MAK: variants seen among roughly 807,000 people sequenced by gnomAD.
MAK encodes the protein serine/threonine-protein kinase MAK.
Under a neutral mutation model 82.6 loss-of-function variants are expected in MAK, and 65 were observed. That is an observed-to-expected ratio of 0.79 (90% CI 0.64 to 0.97). The LOEUF (loss-of-function observed/expected upper bound fraction) is 0.97, where lower values mean the gene tolerates loss of function less well. MAK is among the 50% of genes least tolerant of loss of function. The pLI is 0.00. For synonymous variants in MAK, 250 were observed against 274.2 expected, an observed-to-expected ratio of 0.91 and a Z score of 0.87; for missense variants, 703 against 780.2, an observed-to-expected ratio of 0.90 and a Z score of 1.18.
rs1778764182 is a variant in MAK, at chr6:10,830,854, A to G, written c.-206T>C. On this transcript the variant is annotated 5_prime_UTR_variant, in exon 2 of 15. Transcript: ENST00000354489. ...GCATGAAGGAATCGGGCAAGGAAAC[A>G]ACACTTCCATTCTTATAAACACCCT... 2 of 594,444 alleles carry G rather than the reference A, an allele frequency of 3.4e-6. No individual in the cohort carries two copies. Among genetic ancestry groups the G allele is most frequent in the Admixed American group, 2.5e-5 (1 of 40,520 alleles). The allele number at this position is 594,444 out of a possible 1,614,324, so 36.8% of individuals were successfully genotyped here.
chr6:10,817,910 T>C lies in MAK; in HGVS notation c.218A>G (p.Asp73Gly), dbSNP rs774612770. The change falls in exon 4 of 15, where the codon GAC becomes GGC. Residue 73 changes from aspartate to glycine, a missense_variant. Physicochemically the swap from Asp to Gly is moderately conservative, Grantham distance 94. Transcript: ENST00000354489. ...IKLKEVIREN[D>G]HLYFIFEYMK... The stretch of plus-strand genomic sequence containing the variant: ...ATATTCAAATATAAAATAAAGATGG[T>C]CATTTTCTCTGATAACTTCTTTCAA... 1.9e-5 allele frequency: 27 copies of C among 1,417,888 alleles called. No individual in the cohort carries two copies. The highest frequency in any genetic ancestry group is 1.8e-4 in the Middle Eastern group (1 of 5,420). 87.8% of individuals were successfully genotyped at this position (1,417,888 alleles called of 1,614,324 possible). A position where few individuals can be genotyped will look rare whatever the true frequency, so the allele number is the denominator to read the frequency against.
intron 1 of MAK, among the ~76,000 whole-genome samples, chr6:10,835,038 T>C (rs150366363): frequency 1.3e-5 from 2 of 152,304 alleles, no homozygotes; most frequent in African/African-American, 2.4e-5. Flanking sequence ...TTGTGGGTAA[T>C]TAACATGGTC....
chr6:10,789,750 T>C (rs1774917248), intron 10 of MAK, among the ~76,000 whole-genome samples: 1 of 152,172 alleles, frequency 6.6e-6, no homozygotes, highest in Non-Finnish European at 1.5e-5. Flanking sequence ...CTCTGCCTCC[T>C]GGGTTCAAGT....
In MAK at chr6:10,830,774, T is replaced by C; in HGVS notation, c.-126A>G. Reference sequence around the variant, plus strand: ...TGTTGTTGCTACACTGGTGACAGGTTTGTCATCATTAAATATAGTCTCTCC... The same window carrying C: ...TGTTGTTGCTACACTGGTGACAGGTCTGTCATCATTAAATATAGTCTCTCC... On this transcript the variant is annotated 5_prime_UTR_variant, in exon 2 of 15. Coordinates refer to ENST00000354489, the MANE Select transcript of MAK (RefSeq NM_001242957.3). 2 of 748,962 alleles carry C rather than the reference T, an allele frequency of 2.7e-6. No individual in the cohort carries two copies. The highest frequency in any genetic ancestry group is 4.8e-6 in the Non-Finnish European group (2 of 419,002). The allele number at this position is 748,962 out of a possible 1,614,324, so 46.4% of individuals were successfully genotyped here.
intron 2 of MAK, among the ~76,000 whole-genome samples, chr6:10,819,721 C>T (rs796198284): frequency 1.6e-4 from 24 of 152,260 alleles, no homozygotes; most frequent in African/African-American, 5.8e-4. Context: ...AGAGTAAAAA[C>T]TATTTCCACT....
intron 8 of MAK, chr6:10,798,114 C>CTTTTTTTTTTTTTT (rs554907132): frequency 7.2e-6 from 1 of 138,284 alleles, no homozygotes; most frequent in African/African-American, 3.0e-5. Flanking sequence ...CAACTCTTCC[C>CTTTTTTTTTTTTTT]TTTTTTTTTT....
chr6:10,782,247 CACAG>C (rs1443157198), intron 11 of MAK, among the ~76,000 whole-genome samples: 14 of 99,156 alleles, frequency 1.4e-4, no homozygotes, highest in Middle Eastern at 5.3e-3. Context: ...CACACACACA[CACAG>C]ACACACACCA....
At chr6:10,833,492 T>C in intron 1 of MAK, among the ~76,000 whole-genome samples, 1 of 151,996 alleles carries the variant, frequency 6.6e-6, no homozygotes, top group Admixed American at 6.6e-5. Context: ...GTAGCCCTAG[T>C]TACTAAGGAG....
At chr6:10,805,070 C>CGGGGGGGGGG (rs60993333) in intron 6 of MAK, among the ~76,000 whole-genome samples, 2 of 100,280 alleles carry the variant, frequency 2.0e-5, no homozygotes, top group African/African-American at 8.5e-5. Context: ...ATGTGTGTGT[C>CGGGGGGGGGG]GGGGGGGGGG....
chr6:10,827,240 C>T (rs1322870771), intron 2 of MAK, among the ~76,000 whole-genome samples: 2 of 152,252 alleles, frequency 1.3e-5, no homozygotes, highest in African/African-American at 4.8e-5. Context: ...GGACTGTACC[C>T]AAGACCCAAC....
intron 4 of MAK, among the ~76,000 whole-genome samples, chr6:10,816,329 C>T (rs1377016424): frequency 2.6e-5 from 4 of 151,950 alleles, no homozygotes; most frequent in African/African-American, 9.7e-5. Flanking sequence ...ACCTCAGCCT[C>T]GCAAAGTACT....
At chr6:10,764,877 G>T (rs369570041) in intron 14 of MAK, among the ~76,000 whole-genome samples, 125 of 152,206 alleles carry the variant, frequency 8.2e-4, no homozygotes, top group African/African-American at 2.5e-3. Flanking sequence ...TGGATCACCT[G>T]AGGTCAGGAG....
chr6:10,775,484 C>T (rs1489750427), intron 11 of MAK, 25 bp from the exon 12 acceptor site: 1 of 1,609,402 alleles, frequency 6.2e-7, no homozygotes, highest in Non-Finnish European at 8.5e-7. Flanking sequence ...ACAACCACTT[C>T]AAAGGTTAGA....
chr6:10,788,706 A>G (rs1774810458), intron 10 of MAK, among the ~76,000 whole-genome samples: 1 of 152,178 alleles, frequency 6.6e-6, no homozygotes, highest in South Asian at 2.1e-4. Flanking sequence ...ACTGCACTCC[A>G]GCCTGGGCAA....
chr6:10,782,099 TGGGAGGCTGA>T (rs1324188131), intron 11 of MAK, among the ~76,000 whole-genome samples: 1 of 151,612 alleles, frequency 6.6e-6, no homozygotes, highest in African/African-American at 2.4e-5. Flanking sequence ...TCCAGCTACT[TGGGAGGCTGA>T]GGCAGGAGAA....
At chr6:10,782,188 C>T (rs180801426) in intron 11 of MAK, among the ~76,000 whole-genome samples, 4 of 147,694 alleles carry the variant, frequency 2.7e-5, no homozygotes, top group African/African-American at 7.5e-5. Flanking sequence ...GCCTGGGCAA[C>T]GAGTGAAACT....
At chr6:10,767,852 C>T (rs926239813) in intron 14 of MAK, among the ~76,000 whole-genome samples, 19 of 149,798 alleles carry the variant, frequency 1.3e-4, no homozygotes, top group Non-Finnish European at 4.4e-5. Context: ...AGAGCAAAGA[C>T]GAGACTATGC....
intron 10 of MAK, among the ~76,000 whole-genome samples, chr6:10,789,810 C>A (rs1342341039): frequency 6.6e-6 from 1 of 152,142 alleles, no homozygotes; most frequent in Non-Finnish European, 1.5e-5. Context: ...CGCCCGCCAC[C>A]ACACCCAGCT....
chr6:10,779,607 G>T, intron 11 of MAK: 1 of 218,792 alleles, frequency 4.6e-6, no homozygotes, highest in Non-Finnish European at 7.7e-6. Flanking sequence ...AAAGATATTA[G>T]TATTTTTTAT....
Sources: allele counts gnomAD v4.1 joint callset (sites outside exome capture counted in the v4.1 genomes callset), GRCh38; gene constraint gnomAD v4.1.1; transcripts MANE v1.5; gene names NCBI Gene and HGNC (gene_info 2026-07-23, HGNC 2026-07-21).